KIF26A: variants seen among roughly 807,000 people sequenced by gnomAD.
The protein encoded by KIF26A is kinesin family member 26A.
A neutral mutation model predicts 126.0 loss-of-function variants in KIF26A; 74 were observed. That is an observed-to-expected ratio of 0.59 (90% CI 0.49 to 0.71). The LOEUF (loss-of-function observed/expected upper bound fraction) is 0.71, where lower values mean the gene tolerates loss of function less well. Among genes scored for constraint, KIF26A ranks in the 30% least tolerant of loss-of-function variants. The probability of loss-of-function intolerance (pLI) is 0.00; values close to 1 mark genes in which losing one functional copy is unlikely to be tolerated. For missense variants in KIF26A, 2,984 were observed against 2,763.3 expected, an observed-to-expected ratio of 1.08 and a Z score of -1.79; for synonymous variants, 1,445 against 1,232.7, an observed-to-expected ratio of 1.17 and a Z score of -3.61.
intron 3 of KIF26A, among the ~76,000 whole-genome samples, chr14:104,155,557 G>C (rs939587351): frequency 6.6e-6 from 1 of 151,018 alleles, no homozygotes; most frequent in Non-Finnish European, 1.5e-5. Flanking sequence ...TTCTGCCCCC[G>C]TGTTGTGGTC....
intron 3 of KIF26A, among the ~76,000 whole-genome samples, chr14:104,156,135 A>G (rs991260020): frequency 4.6e-5 from 7 of 152,228 alleles, no homozygotes; most frequent in African/African-American, 1.7e-4. Context: ...GGGGTGCTCA[A>G]CCAGACCCGG....
At chr14:104,174,087 C>T (rs1596148475) in intron 10 of KIF26A, 61 bp from the exon 11 acceptor site, 2 of 1,462,174 alleles carry the variant, frequency 1.4e-6, no homozygotes, top group Non-Finnish European at 1.8e-6. Flanking sequence ...CTGCCCTTGG[C>T]CAGCCTGTCC....
At chr14:104,143,728 C>T (rs917120494) in intron 2 of KIF26A, among the ~76,000 whole-genome samples, 2 of 152,254 alleles carry the variant, frequency 1.3e-5, no homozygotes, top group Non-Finnish European at 2.9e-5. Context: ...CACCTTCCCT[C>T]GCTGCTTGGA....
At chr14:104,163,892 C>T (rs1403469274) in intron 4 of KIF26A, among the ~76,000 whole-genome samples, 1 of 152,058 alleles carries the variant, frequency 6.6e-6, no homozygotes, top group Non-Finnish European at 1.5e-5. Context: ...CTGGAACTAC[C>T]GGGGCTTCTC....
chr14:104,154,966 A>T (rs1389626798), intron 3 of KIF26A, among the ~76,000 whole-genome samples: 1 of 152,020 alleles, frequency 6.6e-6, no homozygotes, highest in Admixed American at 6.5e-5. Flanking sequence ...CACGGCTGAG[A>T]TGGGCCAGGC....
chr14:104,166,823 C>G, intron 4 of KIF26A, 36 bp from the exon 5 acceptor site: 1 of 1,505,138 alleles, frequency 6.6e-7, no homozygotes, highest in East Asian at 2.5e-5. Context: ...GCTGCTGTCA[C>G]CCACCACTGA....
chr14:104,179,911 GA>G lies in KIF26A; in HGVS notation c.*122del, dbSNP rs2038083499. The G allele has an allele frequency of 9.5e-7, 1 of 1,054,528 alleles. No homozygotes were observed. The highest frequency in any genetic ancestry group is 1.6e-5 in the African/African-American group (1 of 61,714). The allele number at this position is 1,054,528 out of a possible 1,614,324, so 65.3% of individuals were successfully genotyped here. A position where few individuals can be genotyped will look rare whatever the true frequency, so the allele number is the denominator to read the frequency against. On this transcript the variant is annotated 3_prime_UTR_variant, in exon 15 of 15. Coordinates refer to ENST00000423312, the MANE Select transcript of KIF26A (RefSeq NM_015656.2). ...GCGGAGGGGTTTCTGTGCAGGACGG[GA>G]GTCTCAGAGAGGAGACGGAGTGTGG...
intron 3 of KIF26A, among the ~76,000 whole-genome samples, chr14:104,153,723 T>C (rs2037752007): frequency 6.6e-6 from 1 of 152,158 alleles, no homozygotes; most frequent in South Asian, 2.1e-4. Flanking sequence ...GAGGTCTCAT[T>C]GAGCTGGGCC....
intron 2 of KIF26A, 23 bp downstream of exon 2, chr14:104,139,311 G>A: frequency 6.9e-7 from 1 of 1,447,710 alleles, no homozygotes; most frequent in Non-Finnish European, 9.1e-7. Context: ...TCCTTAGGCC[G>A]ACCCCTCCGA....
At position 104,176,567 on chromosome 14, in the gene KIF26A, C is replaced by G; in HGVS notation, c.3779C>G (p.Ala1260Gly). The change falls in exon 12 of 15, where the codon GCC (alanine) becomes GGC (glycine). Residue 1260 changes from alanine to glycine, a missense_variant. By Grantham distance (60) the Ala-to-Gly change is moderately conservative (BLOSUM62 0). Transcript: ENST00000423312. ...CDTQAASAGR[A>G]PSPTLGSPRL... is the part of the protein sequence containing the mutation. ...ACCCAGGCAGCTTCTGCTGGCAGGG[C>G]CCCCAGCCCCACACTTGGCTCCCCC... 8 of 1,606,862 alleles carry G rather than the reference C, an allele frequency of 5.0e-6. No homozygotes were observed. The highest frequency in any genetic ancestry group is 5.9e-6 in the Non-Finnish European group (7 of 1,179,652).
intron 4 of KIF26A, among the ~76,000 whole-genome samples, chr14:104,165,732 T>C (rs1203966041): frequency 6.6e-6 from 1 of 151,922 alleles, no homozygotes; most frequent in Non-Finnish European, 1.5e-5. Context: ...TGTGTGTTTC[T>C]GTATGCATAT....
intron 3 of KIF26A, among the ~76,000 whole-genome samples, chr14:104,156,996 G>A (rs758934698): frequency 1.7e-4 from 26 of 152,232 alleles, no homozygotes; most frequent in Admixed American, 2.6e-4. Context: ...GGAAGGGGCC[G>A]GGGCGAGGGG....
chr14:104,168,299 GC>G (rs2037925599), intron 5 of KIF26A, among the ~76,000 whole-genome samples: 1 of 152,210 alleles, frequency 6.6e-6, no homozygotes, highest in African/African-American at 2.4e-5. Flanking sequence ...TGTGCCCCCT[GC>G]CCGCCCGGTG....
intron 5 of KIF26A, among the ~76,000 whole-genome samples, chr14:104,170,461 G>T (rs539760436): frequency 6.6e-6 from 1 of 152,238 alleles, no homozygotes; most frequent in African/African-American, 2.4e-5. Context: ...CGCCTGGTGC[G>T]AACTACCCAT....
rs751134928 is a variant in KIF26A, at chr14:104,178,745, C to T, written c.5306C>T (p.Ala1769Val). The part of the protein sequence containing the change: ...LQRPRPTPRE[A>V]PTQGLACVST... Reference sequence around the variant, plus strand: ...CGGCCCCGCCCCACCCCGAGGGAGGCCCCCACCCAGGTAGGGCCTTTGGTG... The same window carrying T: ...CGGCCCCGCCCCACCCCGAGGGAGGTCCCCACCCAGGTAGGGCCTTTGGTG... Residue 1769 changes from alanine to valine, a missense_variant, in exon 13 of 15, where the codon GCC becomes GTC. Ala to Val is a moderately conservative substitution (Grantham distance 64, BLOSUM62 0). Transcript: ENST00000423312. 2.0e-6 allele frequency: 3 copies of T among 1,523,914 alleles called. No individual in the cohort carries two copies. Among genetic ancestry groups the T allele is most frequent in the African/African-American group, 1.4e-5 (1 of 72,404 alleles). 94.4% of individuals were successfully genotyped at this position (1,523,914 alleles called of 1,614,324 possible). A position where few individuals can be genotyped will look rare whatever the true frequency, so the allele number is the denominator to read the frequency against.
chr14:104,173,032 G>A lies in KIF26A; in HGVS notation c.1476G>A (p.Val492=), dbSNP rs761471233. 2 of 1,606,786 alleles carry A rather than the reference G, an allele frequency of 1.2e-6. No individual in the cohort carries two copies. Among genetic ancestry groups the A allele is most frequent in the Admixed American group, 1.7e-5 (1 of 59,534 alleles). ...GCTCACCCCAGAGCCTGGGCATCGT[G>A]CCCTGCGCCATCTCCTGGCTCTTCA... is the stretch of plus-strand genomic sequence containing the variant. The part of the protein sequence containing the change: ...KDSSPQSLGI[V]PCAISWLFRL... Residue 492 remains valine, a synonymous_variant, in exon 8 of 15, where the codon GTG becomes GTA. Coordinates refer to ENST00000423312, the MANE Select transcript of KIF26A (RefSeq NM_015656.2).
At chr14:104,158,010 G>T in intron 4 of KIF26A, 68 bp downstream of exon 4, 2 of 1,405,022 alleles carry the variant, frequency 1.4e-6, no homozygotes, top group Admixed American at 5.6e-5. Flanking sequence ...GGGCCCCTGG[G>T]GACCTATGGG....
chr14:104,152,356 G>A lies in KIF26A; in HGVS notation c.630G>A (p.Ala210=), dbSNP rs748644275. The A allele has an allele frequency of 6.9e-6, 11 of 1,587,966 alleles. No homozygotes were observed. In the African/African-American group the frequency reaches 8.1e-5, roughly 12 times the overall value. Residue 210 remains alanine, a synonymous_variant, in exon 3 of 15, where the codon GCG becomes GCA. Transcript: ENST00000423312. This position sits in a 1 kb window ranked among gnomAD's most constrained non-coding sequence, Gnocchi z 5.9. ...GTGTCCAGGTGTCTGTAGCACCTGC[G>A]GGTCTTGGAGGGGCGCTGAGCACGG... ...GPSVQVSVAP[A]GLGGALSTVT...
chr14:104,173,656 G>A (rs2037984223), intron 9 of KIF26A, 50 bp from the exon 10 acceptor site: 4 of 1,595,942 alleles, frequency 2.5e-6, no homozygotes, highest in Non-Finnish European at 3.4e-6. Flanking sequence ...TGTGGAGCAG[G>A]ATCTGGGGGC....
Sources: gnomAD v4.1 joint callset for allele counts (sites outside exome capture counted in the v4.1 genomes callset) on GRCh38, gnomAD v4.1.1 for gene constraint, Gnocchi (gnomAD v3.1) non-coding constraint, MANE v1.5 for transcripts, NCBI Gene and HGNC (gene_info 2026-07-23, HGNC 2026-07-21) for gene names.